The following SHQ1 variants were observed in gnomAD, a reference collection of about 807,000 sequenced individuals.
SHQ1 encodes SHQ1, H/ACA ribonucleoprotein assembly factor.
SHQ1 carries 49 observed loss-of-function variants against 53.8 expected under a neutral mutation model. That is an observed-to-expected ratio of 0.91 (90% CI 0.72 to 1.16). SHQ1 has a LOEUF of 1.16. Ranked by LOEUF, SHQ1 falls within the 50% of genes most tolerant of loss-of-function variation. SHQ1 has a pLI of 0.00. For synonymous variants in SHQ1, 243 were observed against 251.0 expected, an observed-to-expected ratio of 0.97 and a Z score of 0.30; for missense variants, 738 against 683.1, an observed-to-expected ratio of 1.08 and a Z score of -0.90.
In SHQ1 at chr3:72,775,204, AAG is replaced by A. The variant is rs371047351; in HGVS notation, c.1181+17710_1181+17711del. Among the ~76,000 whole-genome samples, 651 of 152,052 alleles carry A rather than the reference AAG, an allele frequency of 4.3e-3. 4 individuals carry two copies. The highest frequency in any genetic ancestry group is 0.015 in the African/African-American group (618 of 41,480). On this transcript the variant is annotated intron_variant, in intron 10 of 10. Coordinates refer to ENST00000325599, the MANE Select transcript of SHQ1 (RefSeq NM_018130.3). ...AAAATAATTTAAAAACAAAAAAACA[AAG>A]AGAGAGACAGCATGATTATCAGAAA... is the stretch of plus-strand genomic sequence containing the variant.
In SHQ1 at chr3:72,815,362, T is replaced by G; in HGVS notation, c.924A>C (p.Leu308=). 3 of 1,613,318 alleles carry G rather than the reference T, an allele frequency of 1.9e-6. No homozygotes were observed. The highest frequency in any genetic ancestry group is 2.2e-5 in the East Asian group (1 of 44,816). The change falls in exon 8 of 11, where the codon CTA becomes CTC. Residue 308 remains leucine (L), a synonymous_variant. Coordinates refer to ENST00000325599, the MANE Select transcript of SHQ1 (RefSeq NM_018130.3). ...AWNIRKLSPT[L]CWFETWTNVH... is the part of the protein sequence containing the mutation. ...CTGGAAATCATACCTCAAACCAGCATAGTGTTGGACTCAGTTTCCTGATAT... is the reference window on the plus strand; with the variant it reads ...CTGGAAATCATACCTCAAACCAGCAGAGTGTTGGACTCAGTTTCCTGATAT...
chr3:72,740,205 A>T, the SHQ1 span, among the ~76,000 whole-genome samples: 1 of 152,158 alleles, frequency 6.6e-6, no homozygotes, highest in African/African-American at 2.4e-5. Context: ...CAGCCATCCC[A>T]TTTCAGTGGC....
intron 10 of SHQ1, among the ~76,000 whole-genome samples, chr3:72,785,737 C>T (rs1460288495): frequency 6.6e-6 from 1 of 152,212 alleles, no homozygotes; most frequent in African/African-American, 2.4e-5. Flanking sequence ...TACTCATCTG[C>T]ATGATGTTAT....
intron 8 of SHQ1, among the ~76,000 whole-genome samples, chr3:72,814,970 CATT>C (rs760946347): frequency 2.8e-4 from 43 of 152,110 alleles, no homozygotes; most frequent in Non-Finnish European, 4.7e-4. Flanking sequence ...ATATAAAAAA[CATT>C]ATTTTTCGTG....
Position 72,832,461 on chromosome 3 carries a change from A to G in SHQ1, c.507T>C (p.Ile169=). 1 of 1,611,876 alleles carries G rather than the reference A, an allele frequency of 6.2e-7. No individual in the cohort carries two copies. The highest frequency in any genetic ancestry group is 8.5e-7 in the Non-Finnish European group (1 of 1,179,242). The change falls in exon 5 of 11, where the codon ATT becomes ATC. Residue 169 remains isoleucine (I), a synonymous_variant. Transcript: ENST00000325599. ...GGGTGAAATCTGGATCCTTAATATC[A>G]ATAACATCACTCAGTTCATCCTGAG... The part of the protein sequence containing the change: ...QRLQDELSDV[I]DIKDPDFTPA...
At chr3:72,764,532 A>G (rs1027965830) in intron 10 of SHQ1, among the ~76,000 whole-genome samples, 12 of 152,228 alleles carry the variant, frequency 7.9e-5, no homozygotes, top group Admixed American at 6.5e-5. Context: ...ATACCCTTAA[A>G]TGACAGCCCC....
intron 5 of SHQ1, among the ~76,000 whole-genome samples, chr3:72,829,126 T>C (rs865826123): frequency 5.2e-4 from 79 of 151,830 alleles, no homozygotes; most frequent in Non-Finnish European, 6.5e-4. Context: ...AAGGCAAAGA[T>C]GAATCCCCGC....
chr3:72,792,125 T>C (rs1361158027), intron 10 of SHQ1, among the ~76,000 whole-genome samples: 1 of 152,208 alleles, frequency 6.6e-6, no homozygotes, highest in Non-Finnish European at 1.5e-5. Flanking sequence ...GGTAAGCCAG[T>C]GGCTAGCCAA....
intron 10 of SHQ1, among the ~76,000 whole-genome samples, chr3:72,751,535 T>TATATGTAC (rs1444853961): frequency 2.9e-5 from 4 of 139,924 alleles, no homozygotes; most frequent in Admixed American, 6.9e-5. Context: ...TATATACATA[T>TATATGTAC]ACATACACTA....
At chr3:72,815,779 A>G (rs1315477178) in intron 7 of SHQ1, among the ~76,000 whole-genome samples, 7 of 152,182 alleles carry the variant, frequency 4.6e-5, no homozygotes, top group Non-Finnish European at 7.4e-5. Context: ...AATCAAAGAT[A>G]ATGTTGAAGT....
At chr3:72,770,227 C>T (rs1705817788) in intron 10 of SHQ1, among the ~76,000 whole-genome samples, 1 of 152,174 alleles carries the variant, frequency 6.6e-6, no homozygotes, top group Non-Finnish European at 1.5e-5. Flanking sequence ...TCTAATTTTC[C>T]TAATTCTCCC....
At chr3:72,807,705 A>C (rs1706993242) in intron 9 of SHQ1, among the ~76,000 whole-genome samples, 1 of 152,202 alleles carries the variant, frequency 6.6e-6, no homozygotes. Flanking sequence ...CCAAACCTCA[A>C]TGTTTTAAAC....
chr3:72,768,554 T>C (rs911234511), intron 10 of SHQ1, among the ~76,000 whole-genome samples: 3 of 152,234 alleles, frequency 2.0e-5, no homozygotes, highest in African/African-American at 7.2e-5. Flanking sequence ...TCTGTTGTCC[T>C]GCTGAGTGAG....
chr3:72,742,100 G>C, the SHQ1 span, among the ~76,000 whole-genome samples: 1 of 151,588 alleles, frequency 6.6e-6, no homozygotes, highest in Non-Finnish European at 1.5e-5. Context: ...GCATGCATCT[G>C]TAGTCCCAGC....
chr3:72,789,081 T>TA (rs1205170855), intron 10 of SHQ1, among the ~76,000 whole-genome samples: 2,237 of 61,652 alleles, frequency 0.036, 32 homozygotes, highest in Admixed American at 0.079. Context: ...CAATAAACAC[T>TA]AAAAAAAAAA....
At chr3:72,775,109 C>T (rs113001746) in intron 10 of SHQ1, among the ~76,000 whole-genome samples, 36,452 of 151,564 alleles carry the variant, frequency 0.24, 4,581 homozygotes, top group Non-Finnish European at 0.26. Flanking sequence ...AATGAGACTC[C>T]GTCTCCAAAA....
At chr3:72,753,652 G>C in intron 10 of SHQ1, 4 of 985,388 alleles carry the variant, frequency 4.1e-6, no homozygotes, top group Non-Finnish European at 4.8e-6. Flanking sequence ...AGAGCGCTTA[G>C]AGAAAGGGAG....
intron 4 of SHQ1, among the ~76,000 whole-genome samples, chr3:72,840,000 T>C (rs1240590193): frequency 6.6e-6 from 1 of 151,870 alleles, no homozygotes; most frequent in African/African-American, 2.4e-5. Context: ...GACCTCGTGA[T>C]CCACCCGCCT....
At chr3:72,762,285 C>A (rs1013492750) in intron 10 of SHQ1, among the ~76,000 whole-genome samples, 2 of 152,182 alleles carry the variant, frequency 1.3e-5, no homozygotes, top group Non-Finnish European at 2.9e-5. Context: ...TCAACCCCAA[C>A]CTCCACTTAA....
Sources: allele counts gnomAD v4.1 joint callset (sites outside exome capture counted in the v4.1 genomes callset), GRCh38; gene constraint gnomAD v4.1.1; transcripts MANE v1.5; gene names NCBI Gene and HGNC (gene_info 2026-07-23, HGNC 2026-07-21).